The following SPAG16 variants were observed in gnomAD, a reference collection of about 807,000 sequenced individuals.
The protein encoded by SPAG16 is sperm-associated antigen 16 protein.
In SPAG16, 86 loss-of-function variants were observed where a neutral mutation model predicts 80.4. That is an observed-to-expected ratio of 1.07 (90% CI 0.90 to 1.28). The LOEUF (loss-of-function observed/expected upper bound fraction) is 1.28, where lower values mean the gene tolerates loss of function less well. Among genes scored for constraint, SPAG16 ranks in the 50% most tolerant of loss-of-function variants. The pLI, the probability that SPAG16 is intolerant of heterozygous loss-of-function variation, is 0.00. For synonymous variants in SPAG16, 294 were observed against 265.9 expected, an observed-to-expected ratio of 1.11 and a Z score of -1.03; for missense variants, 870 against 765.3, an observed-to-expected ratio of 1.14 and a Z score of -1.61.
chr2:213,588,004 A>T (rs776533339), intron 10 of SPAG16, among the ~76,000 whole-genome samples: 1 of 152,246 alleles, frequency 6.6e-6, no homozygotes, highest in Non-Finnish European at 1.5e-5. Flanking sequence ...AACCTAGATT[A>T]CAATAAGATA....
chr2:213,384,113 AACTAG>A (rs1236017012), intron 9 of SPAG16, among the ~76,000 whole-genome samples: 3 of 152,168 alleles, frequency 2.0e-5, no homozygotes, highest in Admixed American at 6.5e-5. Flanking sequence ...TTATTATAGA[AACTAG>A]ACTAGGGAAT....
intron 11 of SPAG16, among the ~76,000 whole-genome samples, chr2:213,926,747 G>T (rs2078499640): frequency 6.6e-6 from 1 of 151,952 alleles, no homozygotes; most frequent in Non-Finnish European, 1.5e-5. Flanking sequence ...ATAACAACTA[G>T]TGTCCTTCAG....
At chr2:214,220,964 T>G (rs1359999914) in intron 15 of SPAG16, among the ~76,000 whole-genome samples, 3 of 152,168 alleles carry the variant, frequency 2.0e-5, no homozygotes, top group African/African-American at 7.2e-5. Context: ...TCAGGACTTT[T>G]GTAGTTTCTT....
At chr2:213,455,425 C>G (rs1389555665) in intron 9 of SPAG16, among the ~76,000 whole-genome samples, 1 of 152,130 alleles carries the variant, frequency 6.6e-6, no homozygotes, top group Non-Finnish European at 1.5e-5. Context: ...AGGGGCTAAT[C>G]TTGAAACAAG....
chr2:213,733,255 A>T (rs547275746), intron 10 of SPAG16, among the ~76,000 whole-genome samples: 52 of 151,308 alleles, frequency 3.4e-4, no homozygotes, highest in African/African-American at 1.2e-3. Context: ...TTCCTTATAG[A>T]TGCTGAATAT....
chr2:213,797,920 T>C (rs921376529), intron 10 of SPAG16, among the ~76,000 whole-genome samples: 11 of 152,208 alleles, frequency 7.2e-5, no homozygotes, highest in African/African-American at 2.4e-4. Context: ...GCCTATAGCA[T>C]TTTGCATTCC....
chr2:214,032,696 A>G (rs531173798), intron 13 of SPAG16, among the ~76,000 whole-genome samples: 124 of 152,344 alleles, frequency 8.1e-4, no homozygotes, highest in Non-Finnish European at 1.4e-3. Context: ...AGATTCAGAA[A>G]TTATTTTTAA....
rs78463090 is a variant in SPAG16 at position 213,813,848 on chromosome 2, C to G, written c.1071-48637C>G. Among the ~76,000 whole-genome samples the G allele has an allele frequency of 8.8e-3, 1,338 of 152,144 alleles. 24 individuals are homozygous for G. The highest frequency in any genetic ancestry group is 0.029 in the African/African-American group (1,215 of 41,528). On this transcript the variant is annotated intron_variant, in intron 10 of 15. Transcript: ENST00000331683. ...AGAAGCACCCACAACACACACACAT[C>G]AAAAAATACAAAACAGAGTTTAGCT... is the stretch of plus-strand genomic sequence containing the variant.
intron 10 of SPAG16, among the ~76,000 whole-genome samples, chr2:213,540,497 A>C (rs2076409085): frequency 6.6e-6 from 1 of 152,200 alleles, no homozygotes; most frequent in African/African-American, 2.4e-5. Context: ...CTTTATATAA[A>C]TCAATGAAAA....
chr2:213,420,543 C>T (rs1351915564), intron 9 of SPAG16, among the ~76,000 whole-genome samples: 1 of 152,174 alleles, frequency 6.6e-6, no homozygotes, highest in Non-Finnish European at 1.5e-5. Context: ...TTAGAATTTG[C>T]ACAGCAGTGA....
chr2:213,326,678 G>C (rs1472512164), intron 5 of SPAG16, among the ~76,000 whole-genome samples: 1 of 151,838 alleles, frequency 6.6e-6, no homozygotes, highest in Non-Finnish European at 1.5e-5. Flanking sequence ...AAATTACTTT[G>C]ATTCAATTTT....
chr2:214,024,871 T>G (rs1406028921), intron 13 of SPAG16, among the ~76,000 whole-genome samples: 1 of 151,628 alleles, frequency 6.6e-6, no homozygotes, highest in African/African-American at 2.4e-5. Context: ...TAGAATATAT[T>G]TGACCAACAG....
intron 12 of SPAG16, among the ~76,000 whole-genome samples, chr2:213,943,984 C>G (rs974723995): frequency 7.2e-5 from 11 of 152,164 alleles, no homozygotes; most frequent in African/African-American, 2.7e-4. Context: ...TATTCAACTG[C>G]AAAAACATGT....
chr2:214,328,047 T>TAAAA (rs1400134733), intron 15 of SPAG16, among the ~76,000 whole-genome samples: 1 of 152,122 alleles, frequency 6.6e-6, no homozygotes, highest in Non-Finnish European at 1.5e-5. Context: ...AGTTTATAAA[T>TAAAA]AAAAAATAAA....
intron 15 of SPAG16, among the ~76,000 whole-genome samples, chr2:214,185,953 C>T (rs976620894): frequency 6.6e-6 from 1 of 152,098 alleles, no homozygotes; most frequent in African/African-American, 2.4e-5. Context: ...CTATCTCCCC[C>T]ACTATAATGT....
At chr2:214,121,153 C>T (rs868559925) in intron 14 of SPAG16, among the ~76,000 whole-genome samples, 2 of 151,704 alleles carry the variant, frequency 1.3e-5, no homozygotes, top group South Asian at 2.1e-4. Flanking sequence ...TTCATTTTAC[C>T]CAATATCTCC....
chr2:213,344,462 T>G (rs1237044509), intron 6 of SPAG16, among the ~76,000 whole-genome samples: 3 of 152,014 alleles, frequency 2.0e-5, no homozygotes, highest in Non-Finnish European at 2.9e-5. Flanking sequence ...ATGTGCCATG[T>G]TGGTGTGCTG....
intron 10 of SPAG16, among the ~76,000 whole-genome samples, chr2:213,720,830 C>A (rs2066499134): frequency 6.9e-6 from 1 of 144,152 alleles, no homozygotes; most frequent in Non-Finnish European, 1.5e-5. Flanking sequence ...ACTGCAAGCT[C>A]CGCCTCCCGG....
chr2:214,247,117 G>A (rs946281091), intron 15 of SPAG16, among the ~76,000 whole-genome samples: 3 of 152,082 alleles, frequency 2.0e-5, no homozygotes, highest in African/African-American at 7.2e-5. Context: ...GGCTGGGTGT[G>A]TATAGTCTAC....
Sources: gnomAD v4.1 joint callset for allele counts (sites outside exome capture counted in the v4.1 genomes callset) on GRCh38, gnomAD v4.1.1 for gene constraint, MANE v1.5 for transcripts, NCBI Gene and HGNC (gene_info 2026-07-23, HGNC 2026-07-21) for gene names.